SKP2: variants seen among roughly 807,000 people sequenced by gnomAD.
SKP2 encodes S-phase kinase-associated protein 2.
In SKP2, 16 loss-of-function variants were observed where a neutral mutation model predicts 51.8. The observed-to-expected ratio is 0.31, with a 90% CI of 0.21 to 0.47. The LOEUF is 0.47. Among genes scored for constraint, SKP2 ranks in the 20% least tolerant of loss-of-function variants. The pLI is 1.00. For missense variants in SKP2, 377 were observed against 505.3 expected (o/e 0.75, Z 2.43); for synonymous variants, 176 against 198.6 (o/e 0.89, Z 0.96).
chr5:36,191,902 ATAT>A (rs35713935), intron 6 of SKP2, among the ~76,000 whole-genome samples: 72,682 of 151,618 alleles, frequency 0.48, 18,579 homozygotes, highest in South Asian at 0.7. Flanking sequence ...GCCTATACTA[ATAT>A]TATGGATAAC....
At chr5:36,172,841 GTGAACACTT>G (rs1039865441) in intron 7 of SKP2, among the ~76,000 whole-genome samples, 80 of 152,066 alleles carry the variant, frequency 5.3e-4, no homozygotes, top group African/African-American at 1.9e-3. Context: ...TTCAGACAAG[GTGAACACTT>G]TCTTTAGCAA....
intron 2 of SKP2, among the ~76,000 whole-genome samples, chr5:36,157,758 T>A (rs936949169): frequency 6.6e-6 from 1 of 152,188 alleles, no homozygotes. Flanking sequence ...GAGCAGCAAT[T>A]TTTTAAGTCA....
At chr5:36,190,683 CAAA>C (rs70973094) in intron 6 of SKP2, among the ~76,000 whole-genome samples, 5,921 of 80,960 alleles carry the variant, frequency 0.073, 124 homozygotes, top group African/African-American at 0.19. Context: ...CAAACATATG[CAAA>C]AAAAAAAAAA....
At chr5:36,175,411 T>C (rs979775328) in intron 7 of SKP2, among the ~76,000 whole-genome samples, 1 of 152,064 alleles carries the variant, frequency 6.6e-6, no homozygotes, top group African/African-American at 2.4e-5. Context: ...GTCCAGAATT[T>C]AGGAGAGGGG....
At chr5:36,181,781 A>G (rs750658958) in intron 9 of SKP2, 37 bp from the exon 10 acceptor site, 2 of 1,610,856 alleles carry the variant, frequency 1.2e-6, no homozygotes, top group Admixed American at 1.7e-5. Context: ...GTTTCCATAG[A>G]TACTGCTATT....
chr5:36,188,628 G>A (rs142593541), downstream of SKP2, among the ~76,000 whole-genome samples: 59 of 152,222 alleles, frequency 3.9e-4, 1 homozygote, highest in South Asian at 0.012. Context: ...TCCCTTTATG[G>A]GTAACCCGAC....
In SKP2 at chr5:36,168,324, T is replaced by C; in HGVS notation, c.548T>C (p.Val183Ala). The C allele has an allele frequency of 6.2e-7, 1 of 1,613,864 alleles. No individual in the cohort carries two copies. The highest frequency in any genetic ancestry group is 1.1e-5 in the South Asian group (1 of 90,986). ...CTCTCCGTGTTTAGCCCTTTTCGTG[T>C]ACAGCACATGGACCTATCGAACTCA... ...PLAEHFSPFRVQHMDLSNSVI... is the reference protein window; with the variant it reads ...PLAEHFSPFRAQHMDLSNSVI... The change falls in exon 5 of 10, where the codon GTA (valine) becomes GCA (alanine). Residue 183 changes from valine to alanine, a missense_variant. By Grantham distance (64) the Val-to-Ala change is moderately conservative. Transcript: ENST00000274255.
chr5:36,155,684 C>G (rs1484399785), intron 2 of SKP2, among the ~76,000 whole-genome samples: 2 of 152,118 alleles, frequency 1.3e-5, no homozygotes, highest in Non-Finnish European at 2.9e-5. Context: ...GAATGTAGCC[C>G]TAACAATCTG....
rs563954687 is a variant in SKP2 at position 36,175,627 on chromosome 5, TTCTC to T, written c.902-1334_902-1331del. Among the ~76,000 whole-genome samples, 185 of 151,976 alleles carry T rather than the reference TTCTC, an allele frequency of 1.2e-3. 1 individual carries two copies. The highest frequency in any genetic ancestry group is 4.4e-3 in the African/African-American group (182 of 41,404). ...ATTTCCTTGCAGCCTTTTTTTTTTC[TTCTC>T]TCTTTCTTTCTGTGTATGTGTTTGT... is the stretch of plus-strand genomic sequence containing the variant. On this transcript the variant is annotated intron_variant, in intron 7 of 9. Transcript: ENST00000274255.
In SKP2 at chr5:36,152,930, C is replaced by G. The variant is rs959248543; in HGVS notation, c.168C>G (p.Leu56=). The change falls in exon 2 of 10, where the codon CTC becomes CTG. Residue 56 remains leucine, a synonymous_variant. Coordinates refer to ENST00000274255, the MANE Select transcript of SKP2 (RefSeq NM_005983.4). ...PDSENIPQEL[L]SNLGHPESPP... ...GTGAGAACATCCCCCAGGAACTGCT[C>G]TCAAACCTGGGCCACCCGGAGAGCC... The G allele has an allele frequency of 1.7e-5, 28 of 1,614,018 alleles. No homozygotes were observed. The highest frequency in any genetic ancestry group is 2.3e-5 in the Non-Finnish European group (27 of 1,180,022).
At chr5:36,176,943 C>G (rs748454361) in intron 7 of SKP2, 22 bp from the exon 8 acceptor site, 4 of 1,518,054 alleles carry the variant, frequency 2.6e-6, no homozygotes, top group Admixed American at 3.5e-5. Flanking sequence ...TAGTGACCAT[C>G]ATGTTTTTTT....
intron 7 of SKP2, among the ~76,000 whole-genome samples, chr5:36,175,467 C>T (rs1231961145): frequency 6.6e-6 from 1 of 152,036 alleles, no homozygotes; most frequent in Non-Finnish European, 1.5e-5. Flanking sequence ...ATGAAGTTTG[C>T]CTGTTGTTCT....
intron 2 of SKP2, among the ~76,000 whole-genome samples, chr5:36,156,377 A>C (rs994291466): frequency 3.9e-4 from 60 of 152,160 alleles, no homozygotes; most frequent in African/African-American, 1.4e-3. Flanking sequence ...CTGTACATAG[A>C]TATCTGATGA....
intron 2 of SKP2, 80 bp from the exon 3 acceptor site, chr5:36,163,565 T>A: frequency 1.2e-6 from 1 of 818,912 alleles, no homozygotes; most frequent in South Asian, 1.4e-5. Flanking sequence ...TGTTGTATAT[T>A]CTTTATGTGT....
chr5:36,154,059 T>C (rs755466223), intron 2 of SKP2, among the ~76,000 whole-genome samples: 5 of 152,044 alleles, frequency 3.3e-5, no homozygotes, highest in African/African-American at 4.8e-5. Context: ...TCCATTCTAG[T>C]GAGAGAATAC....
intron 7 of SKP2, among the ~76,000 whole-genome samples, chr5:36,172,420 T>C (rs1418549887): frequency 2.6e-5 from 4 of 152,226 alleles, no homozygotes; most frequent in African/African-American, 9.6e-5. Flanking sequence ...CGCTTTATTT[T>C]ACTTGTATGT....
At chr5:36,191,384 A>G (rs975315494) in intron 6 of SKP2, among the ~76,000 whole-genome samples, 6 of 150,934 alleles carry the variant, frequency 4.0e-5, no homozygotes, top group African/African-American at 1.5e-4. Context: ...GGCTTGTATC[A>G]TCAAGTTCTT....
chr5:36,177,448 T>C, intron 9 of SKP2, 156 bp downstream of exon 9: 1 of 717,760 alleles, frequency 1.4e-6, no homozygotes, highest in Non-Finnish European at 2.6e-6. Context: ...AGAGTATTGC[T>C]TAAACTGGTG....
Position 36,166,625 on chromosome 5 carries a change from C to T in SKP2, c.499C>T (p.Arg167Ter). ...SQGVIAFRCP[R>*]SFMDQPLAEH... ...AGGGGTGATTGCCTTCCGCTGCCCA[C>T]GATCATTTATGGACCAACCATTGGC... The change falls in exon 4 of 10, where the codon CGA becomes TGA. Residue 167 changes from arginine to a stop codon, truncating the protein, a stop_gained. Transcript: ENST00000274255. LOFTEE classifies it high-confidence loss of function. The T allele has an allele frequency of 6.2e-7, 1 of 1,613,546 alleles. No homozygotes were observed. The highest frequency in any genetic ancestry group is 8.5e-7 in the Non-Finnish European group (1 of 1,179,820).
Sources: gnomAD v4.1 joint callset for allele counts (sites outside exome capture counted in the v4.1 genomes callset) on GRCh38, gnomAD v4.1.1 for gene constraint, MANE v1.5 for transcripts, NCBI Gene and HGNC (gene_info 2026-07-23, HGNC 2026-07-21) for gene names.